Variants in TTC6 observed in about 807,000 individuals in gnomAD.
TTC6 encodes the protein tetratricopeptide repeat protein 6.
TTC6 carries 172 observed loss-of-function variants against 210.4 expected under a neutral mutation model. The observed-to-expected ratio is 0.82, with a 90% CI of 0.72 to 0.93. The LOEUF (loss-of-function observed/expected upper bound fraction) is 0.93, where lower values mean the gene tolerates loss of function less well. Among genes scored for constraint, TTC6 ranks in the 40% least tolerant of loss-of-function variants. The probability of loss-of-function intolerance (pLI) is 0.00; values close to 1 mark genes in which losing one functional copy is unlikely to be tolerated. For missense variants in TTC6, 2,414 were observed against 2,318.1 expected, an observed-to-expected ratio of 1.04 and a Z score of -0.85; for synonymous variants, 804 against 819.6, an observed-to-expected ratio of 0.98 and a Z score of 0.32.
Position 37,808,724 on chromosome 14 carries a change from T to G in TTC6, c.4456-9T>G. ...TTCCTTTCTCACATAATTACTTTTTTCTTTTTAGACTTATAAGCTAGCAAT... is the reference window on the plus strand; with the variant it reads ...TTCCTTTCTCACATAATTACTTTTTGCTTTTTAGACTTATAAGCTAGCAAT... On this transcript the variant is annotated splice_polypyrimidine_tract_variant and intron_variant, in intron 23 of 30. Coordinates refer to ENST00000553443, the Ensembl canonical transcript of TTC6. 7.4e-7 allele frequency: 1 copy of G among 1,360,390 alleles called. No individual in the cohort carries two copies. The highest frequency in any genetic ancestry group is 1.0e-6 in the Non-Finnish European group (1 of 1,002,622). 84.3% of individuals were successfully genotyped at this position (1,360,390 alleles called of 1,614,324 possible).
chr14:37,802,815 C>A (rs150664637), intron 20 of TTC6, among the ~76,000 whole-genome samples: 56 of 151,544 alleles, frequency 3.7e-4, no homozygotes, highest in African/African-American at 1.3e-3. Context: ...TCACTGCAAC[C>A]TCTGCCTCCT....
intron 24 of TTC6, 54 bp from the exon 27 acceptor site, chr14:37,812,260 C>T: frequency 6.3e-7 from 1 of 1,576,074 alleles, no homozygotes; most frequent in Non-Finnish European, 8.6e-7. Context: ...TGTCCATAGC[C>T]AATGAATTCA....
exon 24 of TTC6, chr14:37,808,735 T>G: frequency 2.1e-6 from 3 of 1,455,470 alleles, no homozygotes; most frequent in Non-Finnish European, 2.8e-6. Flanking sequence ...CTTTTTAGAC[T>G]TATAAGCTAG....
chr14:37,626,496 G>T (rs1353847292), intron 1 of TTC6, among the ~76,000 whole-genome samples: 1 of 152,170 alleles, frequency 6.6e-6, no homozygotes, highest in African/African-American at 2.4e-5. Flanking sequence ...CGGGGAAGAT[G>T]AAATAGATAT....
intron 1 of TTC6, among the ~76,000 whole-genome samples, chr14:37,662,131 A>G (rs1208407627): frequency 6.6e-6 from 1 of 152,124 alleles, no homozygotes; most frequent in Non-Finnish European, 1.5e-5. Context: ...CTTCCTATTT[A>G]AATATGCTTT....
intron 1 of TTC6, among the ~76,000 whole-genome samples, chr14:37,643,067 G>T (rs2095695071): frequency 6.6e-6 from 1 of 152,156 alleles, no homozygotes; most frequent in Non-Finnish European, 1.5e-5. Context: ...CAGCACTTTG[G>T]GAGGCCGAGG....
chr14:37,612,980 C>T (rs2095637048), intron 2 of TTC6, among the ~76,000 whole-genome samples: 1 of 152,114 alleles, frequency 6.6e-6, no homozygotes, highest in Non-Finnish European at 1.5e-5. Context: ...TATTTCTTTA[C>T]CTTGCCATAT....
chr14:37,694,139 C>A (rs1251831911), intron 3 of TTC6, among the ~76,000 whole-genome samples: 1 of 151,868 alleles, frequency 6.6e-6, no homozygotes. Flanking sequence ...CTTTTGCACA[C>A]CAAAGGATAC....
chr14:37,670,411 C>T (rs1005549888), intron 1 of TTC6, among the ~76,000 whole-genome samples: 1 of 149,044 alleles, frequency 6.7e-6, no homozygotes, highest in Non-Finnish European at 1.5e-5. Context: ...AACTATTACA[C>T]AGTATGTTTT....
intron 1 of TTC6, among the ~76,000 whole-genome samples, chr14:37,676,732 A>C (rs532932864): frequency 4.6e-5 from 7 of 151,962 alleles, no homozygotes; most frequent in Non-Finnish European, 1.0e-4. Context: ...TTTTTAGTTA[A>C]ATTTTGTACA....
chr14:37,666,351 C>T (rs931190070), intron 1 of TTC6, among the ~76,000 whole-genome samples: 27 of 148,996 alleles, frequency 1.8e-4, no homozygotes, highest in African/African-American at 6.6e-4. Flanking sequence ...CAGTGGCTTA[C>T]ACTGTAATCC....
At chr14:37,791,745 G>C (rs1196336546) in intron 16 of TTC6, among the ~76,000 whole-genome samples, 2 of 152,134 alleles carry the variant, frequency 1.3e-5, no homozygotes, top group Admixed American at 1.3e-4. Context: ...CATCAAACAT[G>C]ATAATTTCTA....
In TTC6 at chr14:37,662,779, G is replaced by C. The variant is rs559497088; in HGVS notation, c.940-17372G>C. Among the ~76,000 whole-genome samples, 13 of 152,240 alleles carry C rather than the reference G, an allele frequency of 8.5e-5. No individual in the cohort carries two copies. The South Asian group carries it at 2.5e-3, about 29-fold the overall frequency. ...TTCATTAGTCTATGTGCCTGTTTTT[G>C]TATCAGTACTATGCAGTTTTGTTTA... On this transcript the variant is annotated intron_variant, in intron 1 of 30. Transcript: ENST00000553443.
intron 29 of TTC6, among the ~76,000 whole-genome samples, chr14:37,838,716 T>C (rs1433580249): frequency 6.6e-6 from 1 of 152,216 alleles, no homozygotes; most frequent in African/African-American, 2.4e-5. Flanking sequence ...AGTTCTGGTG[T>C]ACATGTGCAC....
chr14:37,826,422 C>G, intron 28 of TTC6, 75 bp downstream of exon 30: 2 of 1,281,380 alleles, frequency 1.6e-6, no homozygotes, highest in African/African-American at 1.5e-5. Flanking sequence ...GTAAGAAGTT[C>G]TCTGTTAGCT....
intron 16 of TTC6, among the ~76,000 whole-genome samples, chr14:37,791,071 G>C (rs1013079415): frequency 6.6e-6 from 1 of 152,156 alleles, no homozygotes; most frequent in Non-Finnish European, 1.5e-5. Context: ...AGTTAAATGG[G>C]TTTGACAGGA....
At chr14:37,761,769 T>A (rs1395934531) in intron 14 of TTC6, among the ~76,000 whole-genome samples, 3 of 152,202 alleles carry the variant, frequency 2.0e-5, no homozygotes, top group Admixed American at 6.5e-5. Flanking sequence ...TTCTTTTATG[T>A]CTAGCTTCTT....
At chr14:37,701,305 G>T in intron 4 of TTC6, 27 bp from the exon 7 acceptor site, 1 of 1,344,964 alleles carries the variant, frequency 7.4e-7, no homozygotes, top group Non-Finnish European at 9.5e-7. Flanking sequence ...ATGATGAAAG[G>T]AGCTCACTTT....
In TTC6 at chr14:37,832,327, CTCTTTT is replaced by C. The variant is rs1479605342; in HGVS notation, c.5298+4963_5298+4968del. 1.6e-4 allele frequency among the ~76,000 whole-genome samples: 10 copies of C among 63,242 alleles called. No individual in the cohort carries two copies. In the East Asian group the frequency reaches 1.8e-3, roughly 11 times the overall value. 41.5% of individuals were successfully genotyped at this position (63,242 alleles called of 152,430 possible). ...TATTTATTATTTTCTTTTTCTTTCT[CTCTTTT>C]TTTTTTTTTTTTTTTTTTTTACTAA... On this transcript the variant is annotated intron_variant, in intron 29 of 30. Transcript: ENST00000553443.
Sources: allele counts gnomAD v4.1 joint callset (sites outside exome capture counted in the v4.1 genomes callset), GRCh38; gene constraint gnomAD v4.1.1; transcripts MANE v1.5; gene names NCBI Gene and HGNC (gene_info 2026-07-23, HGNC 2026-07-21).